Variants in C8orf34 observed in about 807,000 individuals in gnomAD.
C8orf34 encodes the protein uncharacterized protein C8orf34.
A neutral mutation model predicts 68.3 loss-of-function variants in C8orf34; 65 were observed. That is an observed-to-expected ratio of 0.95 (90% CI 0.78 to 1.17). The LOEUF (loss-of-function observed/expected upper bound fraction) is 1.17, where lower values mean the gene tolerates loss of function less well. Among genes scored for constraint, C8orf34 ranks in the 50% most tolerant of loss-of-function variants. The pLI is 0.00. For synonymous variants in C8orf34, 244 were observed against 241.2 expected, an observed-to-expected ratio of 1.01 and a Z score of -0.11; for missense variants, 664 against 655.4, an observed-to-expected ratio of 1.01 and a Z score of -0.14.
chr8:68,569,678 G>T (rs756294928), intron 7 of C8orf34, among the ~76,000 whole-genome samples: 1 of 152,164 alleles, frequency 6.6e-6, no homozygotes, highest in Non-Finnish European at 1.5e-5. Flanking sequence ...GGAATTCAGG[G>T]AAATAGTTTA....
chr8:68,648,091 G>T (rs1819233942), intron 8 of C8orf34, among the ~76,000 whole-genome samples: 1 of 152,168 alleles, frequency 6.6e-6, no homozygotes, highest in Non-Finnish European at 1.5e-5. Flanking sequence ...TAATTGGTGA[G>T]TTTATTTGTT....
At chr8:68,449,815 T>C (rs796513784) in intron 3 of C8orf34, among the ~76,000 whole-genome samples, 7 of 152,206 alleles carry the variant, frequency 4.6e-5, no homozygotes, top group African/African-American at 1.7e-4. Context: ...CTACTGAAGG[T>C]TGAGGTATCT....
At chr8:68,599,858 G>T (rs1817647897) in intron 7 of C8orf34, among the ~76,000 whole-genome samples, 1 of 151,896 alleles carries the variant, frequency 6.6e-6, no homozygotes, top group South Asian at 2.1e-4. Context: ...AAAAGTATAT[G>T]TGTGTGTATA....
At chr8:68,599,278 C>A (rs568394208) in intron 7 of C8orf34, among the ~76,000 whole-genome samples, 1 of 151,854 alleles carries the variant, frequency 6.6e-6, no homozygotes, top group Non-Finnish European at 1.5e-5. Context: ...ATAAATGAAT[C>A]CTGTCAAGAT....
intron 1 of C8orf34, among the ~76,000 whole-genome samples, chr8:68,427,594 A>G (rs1303960265): frequency 6.6e-6 from 1 of 151,996 alleles, no homozygotes; most frequent in Non-Finnish European, 1.5e-5. Context: ...GAGTCTTTGG[A>G]TGATAGTACA....
chr8:68,785,520 T>C (rs1823820576), intron 11 of C8orf34, among the ~76,000 whole-genome samples: 1 of 152,174 alleles, frequency 6.6e-6, no homozygotes, highest in South Asian at 2.1e-4. Context: ...ATATGTAGAG[T>C]TCCTTTAGCC....
intron 3 of C8orf34, among the ~76,000 whole-genome samples, chr8:68,456,235 G>A (rs1052086266): frequency 7.3e-5 from 11 of 151,156 alleles, no homozygotes; most frequent in Non-Finnish European, 1.6e-4. Flanking sequence ...CAGCCTGGGT[G>A]ACAGAGCGAC....
chr8:68,677,614 A>T (rs1820234141), intron 8 of C8orf34, among the ~76,000 whole-genome samples: 2 of 152,086 alleles, frequency 1.3e-5, no homozygotes, highest in Admixed American at 6.6e-5. Context: ...GCCTTGCCTA[A>T]CAAAGTGCTG....
At chr8:68,367,637 A>G (rs1373589681) in intron 1 of C8orf34, among the ~76,000 whole-genome samples, 2 of 139,164 alleles carry the variant, frequency 1.4e-5, no homozygotes, top group East Asian at 4.2e-4. Flanking sequence ...TTCTCAGTAA[A>G]CTATCACAAG....
intron 8 of C8orf34, among the ~76,000 whole-genome samples, chr8:68,655,848 C>T (rs568053057): frequency 6.6e-6 from 1 of 152,260 alleles, no homozygotes; most frequent in South Asian, 2.1e-4. Context: ...GGTAGTCATC[C>T]TATTTCCATC....
intron 7 of C8orf34, among the ~76,000 whole-genome samples, chr8:68,574,105 T>C (rs1205599397): frequency 6.6e-6 from 1 of 152,116 alleles, no homozygotes; most frequent in African/African-American, 2.4e-5. Flanking sequence ...AACTATCATA[T>C]GTTATGAATT....
intron 8 of C8orf34, among the ~76,000 whole-genome samples, chr8:68,647,857 G>C (rs1486574294): frequency 2.0e-5 from 3 of 152,138 alleles, no homozygotes; most frequent in Non-Finnish European, 4.4e-5. Context: ...GACAGACTTA[G>C]TCTGCTGTGA....
intron 12 of C8orf34, among the ~76,000 whole-genome samples, chr8:68,802,370 G>T (rs1824357460): frequency 6.6e-6 from 1 of 152,140 alleles, no homozygotes; most frequent in Admixed American, 6.5e-5. Flanking sequence ...AAAATGCTGG[G>T]ATTACAGGCG....
intron 9 of C8orf34, among the ~76,000 whole-genome samples, chr8:68,718,627 A>G (rs550038283): frequency 6.6e-6 from 1 of 152,228 alleles, no homozygotes; most frequent in African/African-American, 2.4e-5. Context: ...TCAACTGTGC[A>G]TCCACATTGA....
intron 7 of C8orf34, among the ~76,000 whole-genome samples, chr8:68,549,878 G>T (rs1319087707): frequency 6.6e-6 from 1 of 151,496 alleles, no homozygotes; most frequent in African/African-American, 2.4e-5. Context: ...AGTTTTTGTT[G>T]CTCTGAAGTT....
At chr8:68,575,003 A>G (rs901522365) in intron 7 of C8orf34, among the ~76,000 whole-genome samples, 3 of 151,978 alleles carry the variant, frequency 2.0e-5, no homozygotes, top group African/African-American at 4.8e-5. Context: ...AAATTTTAAT[A>G]AATATTAATG....
At chr8:68,734,363 G>T (rs191262317) in intron 10 of C8orf34, among the ~76,000 whole-genome samples, 98 of 152,170 alleles carry the variant, frequency 6.4e-4, no homozygotes, top group Middle Eastern at 3.4e-3. Context: ...TCTGCCAGGG[G>T]TGCATTTCCT....
At chr8:68,532,866 T>C (rs1353239333) in intron 6 of C8orf34, 117 bp from the exon 7 acceptor site, 1 of 679,128 alleles carries the variant, frequency 1.5e-6, no homozygotes, top group East Asian at 2.9e-5. Context: ...TCCATTATCC[T>C]TGGGGAAAAC....
chr8:68,769,589 G>A (rs962591856), intron 10 of C8orf34, among the ~76,000 whole-genome samples: 2 of 152,098 alleles, frequency 1.3e-5, no homozygotes, highest in African/African-American at 4.8e-5. Flanking sequence ...AGTTAATTCA[G>A]TGAGTTTATT....
Sources: gnomAD v4.1 joint callset for allele counts (sites outside exome capture counted in the v4.1 genomes callset) on GRCh38, gnomAD v4.1.1 for gene constraint, MANE v1.5 for transcripts, NCBI Gene and HGNC (gene_info 2026-07-23, HGNC 2026-07-21) for gene names.